The following SCLT1 variants were observed in gnomAD, a reference collection of about 807,000 sequenced individuals.
SCLT1 encodes sodium channel-associated protein 1.
Under a neutral mutation model 112.8 loss-of-function variants are expected in SCLT1, and 78 were observed. That is an observed-to-expected ratio of 0.69 (90% CI 0.58 to 0.83). The LOEUF is 0.83. Among genes scored for constraint, SCLT1 ranks in the 40% least tolerant of loss-of-function variants. The probability of loss-of-function intolerance (pLI) is 0.00; values close to 1 mark genes in which losing one functional copy is unlikely to be tolerated. For missense variants in SCLT1, 747 were observed against 770.4 expected, an observed-to-expected ratio of 0.97 and a Z score of 0.36; for synonymous variants, 257 against 254.7, an observed-to-expected ratio of 1.01 and a Z score of -0.09.
At chr4:128,877,714 A>G (rs571864008) in intron 3 of SCLT1, among the ~76,000 whole-genome samples, 1 of 152,252 alleles carries the variant, frequency 6.6e-6, no homozygotes, top group Admixed American at 6.5e-5. Flanking sequence ...AGTAGTTAGC[A>G]TATTTAGGAC....
chr4:128,936,620 T>G, intron 18 of SCLT1, 35 bp downstream of exon 18: 1 of 1,342,710 alleles, frequency 7.4e-7, no homozygotes, highest in Non-Finnish European at 1.0e-6. Context: ...GAATTTCTTC[T>G]GTAAAACATG....
intron 13 of SCLT1, among the ~76,000 whole-genome samples, chr4:128,955,300 T>C (rs1346686366): frequency 6.6e-6 from 1 of 152,218 alleles, no homozygotes; most frequent in Non-Finnish European, 1.5e-5. Context: ...TTTTCCTCTA[T>C]AATTTTATGA....
At chr4:128,874,679 A>T (rs1732443557) in intron 4 of SCLT1, 1 of 151,662 alleles carries the variant, frequency 6.6e-6, no homozygotes, top group African/African-American at 2.4e-5. Flanking sequence ...CATAAGCAGC[A>T]ACCAGCCCAA....
At chr4:129,036,174 A>G (rs1747164682) in intron 5 of SCLT1, among the ~76,000 whole-genome samples, 1 of 152,056 alleles carries the variant, frequency 6.6e-6, no homozygotes, top group Non-Finnish European at 1.5e-5. Flanking sequence ...CCTGATTAAC[A>G]CTTTCAAGTT....
chr4:129,072,463 C>T (rs1230288620), intron 2 of SCLT1, among the ~76,000 whole-genome samples: 1 of 152,128 alleles, frequency 6.6e-6, no homozygotes, highest in African/African-American at 2.4e-5. Flanking sequence ...AGTTGTTTAA[C>T]ATAATTCCAG....
intron 9 of SCLT1, among the ~76,000 whole-genome samples, chr4:128,977,341 A>G (rs1741264153): frequency 6.6e-6 from 1 of 152,128 alleles, no homozygotes; most frequent in East Asian, 1.9e-4. Flanking sequence ...CTGAGCACCT[A>G]CATGTACTAT....
chr4:129,048,533 A>T (rs932435161), intron 2 of SCLT1, among the ~76,000 whole-genome samples: 8 of 151,054 alleles, frequency 5.3e-5, no homozygotes, highest in African/African-American at 1.7e-4. Flanking sequence ...ACCCTAGAAG[A>T]AAACCTAGGC....
chr4:128,941,357 G>A (rs1737678531), intron 17 of SCLT1, among the ~76,000 whole-genome samples: 1 of 151,986 alleles, frequency 6.6e-6, no homozygotes, highest in Admixed American at 6.6e-5. Flanking sequence ...CATTCTGGTG[G>A]TGTGTAGTGT....
chr4:129,093,284 C>G lies in SCLT1; in HGVS notation c.-181G>C. ...CCCCGCCACGCTTCTTTCCCCCGCG[C>G]CCCAGACGAGTCCCTGGCCCTGGTG... On this transcript the variant is annotated 5_prime_UTR_variant, in exon 1 of 21. Coordinates refer to ENST00000281142, the MANE Select transcript of SCLT1 (RefSeq NM_144643.4). The G allele has an allele frequency of 1.6e-6, 1 of 624,668 alleles. No homozygotes were observed. Among genetic ancestry groups the G allele is most frequent in the Non-Finnish European group, 2.9e-6 (1 of 348,662 alleles). The allele number at this position is 624,668 out of a possible 1,614,324, so 38.7% of individuals were successfully genotyped here. A position where few individuals can be genotyped will look rare whatever the true frequency, so the allele number is the denominator to read the frequency against.
intron 14 of SCLT1, among the ~76,000 whole-genome samples, chr4:128,951,935 C>T (rs1435388676): frequency 6.6e-6 from 1 of 152,004 alleles, no homozygotes; most frequent in Non-Finnish European, 1.5e-5. Context: ...AAATGTGATC[C>T]CTCTTTCAGA....
chr4:129,012,115 T>C (rs185863342), intron 5 of SCLT1, among the ~76,000 whole-genome samples: 106 of 152,294 alleles, frequency 7.0e-4, no homozygotes, highest in Non-Finnish European at 1.1e-3. Context: ...TTCTTTTAGT[T>C]GTGATGTTAG....
chr4:128,999,598 T>C (rs1382180201), intron 7 of SCLT1, 74 bp downstream of exon 7: 3 of 1,085,228 alleles, frequency 2.8e-6, no homozygotes, highest in South Asian at 2.9e-5. Flanking sequence ...GTCTTAAGCG[T>C]TCCCCTCTAA....
chr4:128,896,802 G>C (rs1273325807), intron 18 of SCLT1, among the ~76,000 whole-genome samples: 1 of 152,126 alleles, frequency 6.6e-6, no homozygotes, highest in African/African-American at 2.4e-5. Context: ...TGGCTAACTA[G>C]AATAACGAAT....
At chr4:128,953,746 C>T (rs1738972148) in intron 13 of SCLT1, among the ~76,000 whole-genome samples, 2 of 150,460 alleles carry the variant, frequency 1.3e-5, no homozygotes, top group African/African-American at 4.9e-5. Flanking sequence ...TTGCAGTGAG[C>T]CGAGATGGCG....
intron 5 of SCLT1, 146 bp from the exon 6 acceptor site, chr4:129,004,022 TTTAA>T: frequency 1.4e-6 from 1 of 690,284 alleles, no homozygotes; most frequent in Non-Finnish European, 2.4e-6. Flanking sequence ...ATTAGAAGTG[TTTAA>T]TTACCATTAA....
At chr4:128,880,357 A>G (rs974231018), downstream of SCLT1, among the ~76,000 whole-genome samples, 2 of 152,104 alleles carry the variant, frequency 1.3e-5, no homozygotes, top group African/African-American at 4.8e-5. Flanking sequence ...TAGCATGTTT[A>G]TCTGATGTGT....
chr4:128,888,040 C>T (rs1451247997), intron 20 of SCLT1, among the ~76,000 whole-genome samples: 3 of 152,162 alleles, frequency 2.0e-5, no homozygotes, highest in East Asian at 1.9e-4. Context: ...TGTTCCACAT[C>T]TATGCTGTCC....
In SCLT1 at chr4:128,905,450, A is replaced by C. The variant is rs577940715; in HGVS notation, c.1830-14313T>G. Among the ~76,000 whole-genome samples the C allele has an allele frequency of 2.0e-5, 3 of 152,274 alleles. No homozygotes were observed. In the East Asian group the frequency reaches 5.8e-4, roughly 29 times the overall value. On this transcript the variant is annotated intron_variant, in intron 18 of 20. Coordinates refer to ENST00000281142, the MANE Select transcript of SCLT1 (RefSeq NM_144643.4). ...TCCCTCTCTAGTCTATTTTCCATAC[A>C]GTAGTTATAAGTGGTCTTTAAACTC...
chr4:128,948,923 C>A (rs1484796749), intron 14 of SCLT1, among the ~76,000 whole-genome samples: 3 of 152,100 alleles, frequency 2.0e-5, no homozygotes, highest in Non-Finnish European at 2.9e-5. Flanking sequence ...TGGCACAAAA[C>A]CCTCAGGGAT....
Sources: allele counts gnomAD v4.1 joint callset (sites outside exome capture counted in the v4.1 genomes callset), GRCh38; gene constraint gnomAD v4.1.1; transcripts MANE v1.5; gene names NCBI Gene and HGNC (gene_info 2026-07-23, HGNC 2026-07-21).